Variants in LRBA observed in about 807,000 individuals in gnomAD.
The protein encoded by LRBA is LPS responsive beige-like anchor protein, also known as lipopolysaccharide-responsive and beige-like anchor protein.
Under a neutral mutation model 330.0 loss-of-function variants are expected in LRBA, and 176 were observed. The ratio of observed to expected loss-of-function variants is 0.53; its 90% confidence interval spans 0.47 to 0.60. LRBA has a LOEUF of 0.60. Ranked by LOEUF, LRBA falls within the 20% of genes least tolerant of loss-of-function variation. LRBA has a pLI of 0.00. For synonymous variants in LRBA, 1,230 were observed against 1,193.0 expected (o/e 1.03, Z -0.64); for missense variants, 3,259 against 3,444.8 (o/e 0.95, Z 1.35).
At position 150,831,271 on chromosome 4, in the gene LRBA, T is replaced by C. The variant is rs532501352; in HGVS notation, c.4729+546A>G. On this transcript the variant is annotated intron_variant, in intron 29 of 56. Transcript: ENST00000651943. ...CAATCTACTTATAGCATGTAGATAT[T>C]TTCTATCTCCTCCCATTAGAATATA... 5.3e-5 allele frequency among the ~76,000 whole-genome samples: 8 copies of C among 152,114 alleles called. No homozygotes were observed. In the East Asian group the frequency reaches 1.5e-3, roughly 29 times the overall value.
chr4:150,495,571 A>T (rs942759592), intron 40 of LRBA, among the ~76,000 whole-genome samples: 2 of 152,192 alleles, frequency 1.3e-5, no homozygotes, highest in African/African-American at 4.8e-5. Flanking sequence ...AATTTATATA[A>T]TAATATTTCT....
At chr4:150,423,443 G>T in intron 46 of LRBA, 1 of 598,242 alleles carries the variant, frequency 1.7e-6, no homozygotes, top group Non-Finnish European at 3.0e-6. Context: ...GCGGTGAGCT[G>T]TTGCCAGCGG....
chr4:150,819,097 T>C (rs1745039136), intron 30 of LRBA, among the ~76,000 whole-genome samples: 1 of 151,866 alleles, frequency 6.6e-6, no homozygotes, highest in Non-Finnish European at 1.5e-5. Flanking sequence ...AAACTACTGA[T>C]GAATGAAATG....
intron 40 of LRBA, among the ~76,000 whole-genome samples, chr4:150,563,840 C>T (rs1768745524): frequency 6.6e-6 from 1 of 152,048 alleles, no homozygotes; most frequent in African/African-American, 2.4e-5. Context: ...ATGTGAAGAA[C>T]CTCCTCAAGG....
chr4:150,579,421 G>GT (rs1263886753), intron 40 of LRBA: 2 of 436,250 alleles, frequency 4.6e-6, no homozygotes, highest in South Asian at 1.6e-5. Context: ...TGCTGGAAGT[G>GT]TTTAAGTTTA....
intron 49 of LRBA, among the ~76,000 whole-genome samples, chr4:150,323,467 A>C (rs1407167930): frequency 6.6e-6 from 1 of 152,196 alleles, no homozygotes; most frequent in Non-Finnish European, 1.5e-5. Flanking sequence ...TATGCCCTTA[A>C]AAAACACAAA....
intron 37 of LRBA, among the ~76,000 whole-genome samples, chr4:150,623,097 TAGA>T (rs1776479074): frequency 1.3e-5 from 2 of 152,184 alleles, no homozygotes; most frequent in African/African-American, 4.8e-5. Context: ...ACTCTTGGAT[TAGA>T]AGAAGGGCAG....
intron 17 of LRBA, among the ~76,000 whole-genome samples, chr4:150,880,781 CA>C (rs1472774688): frequency 2.0e-5 from 3 of 152,080 alleles, no homozygotes; most frequent in Non-Finnish European, 4.4e-5. Flanking sequence ...AAAATACTGA[CA>C]AACTGTGCAT....
chr4:150,399,660 T>A (rs556553930), intron 47 of LRBA, among the ~76,000 whole-genome samples: 1 of 152,030 alleles, frequency 6.6e-6, no homozygotes, highest in Non-Finnish European at 1.5e-5. Flanking sequence ...GGTGAGGGAA[T>A]GTTGAAGAGT....
intron 46 of LRBA, among the ~76,000 whole-genome samples, chr4:150,435,189 A>C (rs1158708925): frequency 2.6e-5 from 4 of 151,998 alleles, no homozygotes; most frequent in Admixed American, 1.3e-4. Context: ...TACTAAAAAA[A>C]AATACAAAAA....
intron 36 of LRBA, chr4:150,721,523 T>C (rs1728930489): frequency 4.5e-6 from 1 of 220,888 alleles, no homozygotes; most frequent in Non-Finnish European, 8.8e-6. Context: ...GTTTTTTTTT[T>C]TTCCTCTTCC....
chr4:150,686,616 T>C (rs1783650365), intron 36 of LRBA, among the ~76,000 whole-genome samples: 1 of 152,146 alleles, frequency 6.6e-6, no homozygotes, highest in South Asian at 2.1e-4. Context: ...TGACAGACAT[T>C]CACAGAACTG....
At chr4:150,913,589 C>A (rs553285821) in intron 9 of LRBA, among the ~76,000 whole-genome samples, 1 of 152,304 alleles carries the variant, frequency 6.6e-6, no homozygotes, top group East Asian at 1.9e-4. Flanking sequence ...ACTTATTGAT[C>A]TTCTGTCTGG....
chr4:150,470,144 T>C (rs1215667107), intron 43 of LRBA, among the ~76,000 whole-genome samples: 1 of 152,058 alleles, frequency 6.6e-6, no homozygotes, highest in Non-Finnish European at 1.5e-5. Flanking sequence ...GATCGTGCCA[T>C]TGCACTCCAG....
intron 46 of LRBA, among the ~76,000 whole-genome samples, chr4:150,429,146 G>T (rs1750035964): frequency 6.6e-6 from 1 of 152,022 alleles, no homozygotes; most frequent in African/African-American, 2.4e-5. Flanking sequence ...AAAGAAATAT[G>T]AAGTCAGGGA....
At chr4:150,922,988 A>T (rs1733472158) in intron 4 of LRBA, among the ~76,000 whole-genome samples, 1 of 152,066 alleles carries the variant, frequency 6.6e-6, no homozygotes, top group Non-Finnish European at 1.5e-5. Context: ...CATGCTTTTA[A>T]ACAACTATAC....
intron 22 of LRBA, 63 bp downstream of exon 22, chr4:150,867,608 G>A (rs1356777507): frequency 3.0e-6 from 4 of 1,321,448 alleles, no homozygotes; most frequent in South Asian, 1.7e-5. Flanking sequence ...TTTTTTAAAT[G>A]ACTAAAATTC....
rs76294902 is a variant in LRBA at position 150,881,589 on chromosome 4, G to A, written c.2166-8834C>T. Among the ~76,000 whole-genome samples the A allele has an allele frequency of 1.8e-3, 267 of 152,194 alleles. 9 individuals are homozygous for A. In the East Asian group the frequency reaches 0.038, roughly 21 times the overall value. ...GCTATACTCAGTACTTGGGTGACAG[G>A]ATCAATCATACCTCAAACCTCAGCA... is the stretch of plus-strand genomic sequence containing the variant. On this transcript the variant is annotated intron_variant, in intron 17 of 56. Coordinates refer to ENST00000651943, the MANE Select transcript of LRBA (RefSeq NM_001364905.1).
At chr4:150,315,247 AAGTCTGAGTGATG>A in intron 51 of LRBA, 2 of 397,758 alleles carry the variant, frequency 5.0e-6, no homozygotes, top group East Asian at 5.6e-5. Context: ...GCTCATCAAC[AAGTCTGAGTGATG>A]AAAAGATCCA....
Sources: allele counts gnomAD v4.1 joint callset (sites outside exome capture counted in the v4.1 genomes callset), GRCh38; gene constraint gnomAD v4.1.1; transcripts MANE v1.5; gene names NCBI Gene and HGNC (gene_info 2026-07-23, HGNC 2026-07-21).